DLG2: variants seen among roughly 807,000 people sequenced by gnomAD.
DLG2 encodes the protein discs large MAGUK scaffold protein 2, also known as disks large homolog 2.
In DLG2, 45 loss-of-function variants were observed where a neutral mutation model predicts 132.5. The ratio of observed to expected loss-of-function variants is 0.34; its 90% confidence interval spans 0.27 to 0.44. The LOEUF is 0.44. Among genes scored for constraint, DLG2 ranks in the 20% least tolerant of loss-of-function variants. The pLI is 1.00. For synonymous variants in DLG2, 424 were observed against 419.6 expected (o/e 1.01, Z -0.13); for missense variants, 1,045 against 1,196.9 (o/e 0.87, Z 1.87).
At chr11:84,598,346 A>G (rs1398590094) in intron 6 of DLG2, among the ~76,000 whole-genome samples, 1 of 152,188 alleles carries the variant, frequency 6.6e-6, no homozygotes. Context: ...CCCAAGCTGC[A>G]ATATGGATCA....
At chr11:84,955,415 C>T (rs1050401808) in intron 6 of DLG2, 1 of 152,138 alleles carries the variant, frequency 6.6e-6, no homozygotes, top group Non-Finnish European at 1.5e-5. Flanking sequence ...GAGCTGGAAA[C>T]CTCAGAGTTG....
At position 85,600,713 on chromosome 11, in the gene DLG2, A is replaced by G. The variant is rs559171582; in HGVS notation, c.-92-1925T>C. 8.7e-4 allele frequency among the ~76,000 whole-genome samples: 132 copies of G among 152,372 alleles called. 2 individuals carry two copies. In the Middle Eastern group the frequency reaches 0.014, roughly 16 times the overall value. ...ATATTAATAAAATGAAAATAAAACA[A>G]CAAAGATAGTTTTTGTGAAAACCTC... On this transcript the variant is annotated intron_variant, in intron 2 of 27. Coordinates refer to ENST00000376104, the MANE Select transcript of DLG2 (RefSeq NM_001142699.3).
intron 7 of DLG2, among the ~76,000 whole-genome samples, chr11:84,401,737 C>T (rs1300411372): frequency 6.6e-6 from 1 of 152,148 alleles, no homozygotes; most frequent in African/African-American, 2.4e-5. Flanking sequence ...ATCTTTTTAG[C>T]AGCGATGTCA....
rs1272854461 is a variant in DLG2, at chr11:84,947,082, C to T, written c.357+164579G>A. Among the ~76,000 whole-genome samples, 4 of 152,212 alleles carry T rather than the reference C, an allele frequency of 2.6e-5. No homozygotes were observed. The South Asian group carries it at 8.3e-4, about 32-fold the overall frequency. ...ATTCTATGTGCCATGCGGCCAGTCGCTGCCATTGCCAGGGGATGGGTGAGG... is the reference window on the plus strand; with the variant it reads ...ATTCTATGTGCCATGCGGCCAGTCGTTGCCATTGCCAGGGGATGGGTGAGG... On this transcript the variant is annotated intron_variant, in intron 6 of 27. Transcript: ENST00000376104.
intron 18 of DLG2, among the ~76,000 whole-genome samples, chr11:83,649,874 C>T (rs1488998225): frequency 6.6e-6 from 1 of 152,162 alleles, no homozygotes. Context: ...ATTTTCAAGT[C>T]TCCATTAGCA....
intron 7 of DLG2, among the ~76,000 whole-genome samples, chr11:84,482,082 C>T (rs2099139265): frequency 6.6e-6 from 1 of 152,140 alleles, no homozygotes; most frequent in African/African-American, 2.4e-5. Flanking sequence ...AATATTTTCT[C>T]TTTAAGCTGA....
At chr11:84,401,607 G>A (rs564694984) in intron 7 of DLG2, among the ~76,000 whole-genome samples, 4 of 152,160 alleles carry the variant, frequency 2.6e-5, no homozygotes, top group African/African-American at 9.6e-5. Context: ...TATCTATGGA[G>A]CTCACTTCTG....
At chr11:83,952,165 G>A (rs2085616923) in intron 14 of DLG2, among the ~76,000 whole-genome samples, 2 of 152,056 alleles carry the variant, frequency 1.3e-5, no homozygotes. Context: ...GCCCAACATG[G>A]TGAAACCCTG....
chr11:84,630,979 TTCTCTCTCTCTCTCTC>T (rs369904915), intron 6 of DLG2, among the ~76,000 whole-genome samples: 7 of 51,172 alleles, frequency 1.4e-4, no homozygotes, highest in African/African-American at 2.2e-4. Flanking sequence ...TTAAATGCAT[TTCTCTCTCTCTCTCTC>T]TCTCTCTCTC....
At chr11:83,561,768 A>C (rs756994223) in intron 19 of DLG2, among the ~76,000 whole-genome samples, 3 of 152,176 alleles carry the variant, frequency 2.0e-5, no homozygotes, top group Non-Finnish European at 4.4e-5. Context: ...CAAAGATAAT[A>C]ATATAAATAG....
At chr11:85,506,653 G>C (rs866758401) in intron 3 of DLG2, among the ~76,000 whole-genome samples, 1 of 148,062 alleles carries the variant, frequency 6.8e-6, no homozygotes, top group African/African-American at 2.5e-5. Flanking sequence ...GGTTAATTTT[G>C]GAATAAGTGC....
chr11:85,149,968 C>G (rs2077117113), intron 5 of DLG2, among the ~76,000 whole-genome samples: 1 of 149,362 alleles, frequency 6.7e-6, no homozygotes, highest in Non-Finnish European at 1.5e-5. Context: ...TATTTTCAAA[C>G]TTGGCCCTCT....
intron 7 of DLG2, among the ~76,000 whole-genome samples, chr11:84,343,365 C>T (rs2098524606): frequency 6.6e-6 from 1 of 152,116 alleles, no homozygotes; most frequent in South Asian, 2.1e-4. Context: ...TCCCCCCAAC[C>T]TAAGGGAAAA....
chr11:84,579,167 T>C (rs1015653144), intron 6 of DLG2, among the ~76,000 whole-genome samples: 2 of 148,442 alleles, frequency 1.3e-5, no homozygotes, highest in African/African-American at 5.0e-5. Flanking sequence ...AAAAATGAAC[T>C]AATACACCTT....
At chr11:85,480,871 T>A (rs1218503206) in intron 3 of DLG2, among the ~76,000 whole-genome samples, 1 of 152,148 alleles carries the variant, frequency 6.6e-6, no homozygotes, top group Non-Finnish European at 1.5e-5. Flanking sequence ...CCTGCACACA[T>A]GCAAAAAAAA....
chr11:84,674,535 T>C (rs2099709282), intron 6 of DLG2, among the ~76,000 whole-genome samples: 1 of 152,202 alleles, frequency 6.6e-6, no homozygotes, highest in East Asian at 1.9e-4. Context: ...CTTATTAACT[T>C]ATAGAACTGA....
chr11:84,463,832 A>G (rs1462540244), intron 7 of DLG2, among the ~76,000 whole-genome samples: 1 of 151,126 alleles, frequency 6.6e-6, no homozygotes, highest in African/African-American at 2.4e-5. Context: ...GTCCCTGAAA[A>G]TAAGAGGCAT....
intron 4 of DLG2, among the ~76,000 whole-genome samples, chr11:85,242,275 T>C (rs1409412430): frequency 6.6e-6 from 1 of 151,992 alleles, no homozygotes; most frequent in Non-Finnish European, 1.5e-5. Flanking sequence ...TGGTTTTTTT[T>C]CCTCTGAATG....
chr11:85,486,147 G>T (rs1419579868), intron 3 of DLG2, among the ~76,000 whole-genome samples: 6 of 150,846 alleles, frequency 4.0e-5, no homozygotes, highest in Non-Finnish European at 4.4e-5. Flanking sequence ...CTACCCTTGA[G>T]CTGGGCTAGG....
Sources: gnomAD v4.1 joint callset for allele counts (sites outside exome capture counted in the v4.1 genomes callset) on GRCh38, gnomAD v4.1.1 for gene constraint, MANE v1.5 for transcripts, NCBI Gene and HGNC (gene_info 2026-07-23, HGNC 2026-07-21) for gene names.